Variants in METTL4 observed in about 807,000 individuals in gnomAD.
METTL4 encodes the protein methyltransferase 4, N6-adenosine.
METTL4 carries 40 observed loss-of-function variants against 54.0 expected under a neutral mutation model. The ratio of observed to expected loss-of-function variants is 0.74; its 90% confidence interval spans 0.58 to 0.96. The LOEUF is 0.96. Ranked by LOEUF, METTL4 falls within the 50% of genes least tolerant of loss-of-function variation. The probability of loss-of-function intolerance (pLI) is 0.00; values close to 1 mark genes in which losing one functional copy is unlikely to be tolerated. For synonymous variants in METTL4, 169 were observed against 183.8 expected, an observed-to-expected ratio of 0.92 and a Z score of 0.65; for missense variants, 525 against 549.0, an observed-to-expected ratio of 0.96 and a Z score of 0.44.
intron 8 of METTL4, chr18:2,540,119 G>T (rs1011901513): frequency 2.0e-6 from 2 of 983,190 alleles, no homozygotes; most frequent in South Asian, 4.7e-5. Context: ...ATTGTATTTT[G>T]TTGGGGAAAG....
At chr18:2,563,007 A>G (rs1258628867) in intron 3 of METTL4, among the ~76,000 whole-genome samples, 1 of 152,182 alleles carries the variant, frequency 6.6e-6, no homozygotes, top group Non-Finnish European at 1.5e-5. Context: ...ACCGAATTCC[A>G]GACTGAATTT....
At chr18:2,563,180 ATT>A (rs1412755124) in intron 3 of METTL4, among the ~76,000 whole-genome samples, 7 of 152,180 alleles carry the variant, frequency 4.6e-5, no homozygotes, top group East Asian at 1.9e-4. Context: ...CTCTTAATAT[ATT>A]GTTTTATCTA....
At chr18:2,543,290 G>A (rs965082431) in intron 8 of METTL4, among the ~76,000 whole-genome samples, 1 of 152,088 alleles carries the variant, frequency 6.6e-6, no homozygotes, top group Non-Finnish European at 1.5e-5. Context: ...TAGTTTTCCT[G>A]AGTGGTAACT....
At chr18:2,549,855 G>A (rs948967679) in intron 5 of METTL4, among the ~76,000 whole-genome samples, 5 of 146,178 alleles carry the variant, frequency 3.4e-5, no homozygotes, top group African/African-American at 1.0e-4. Flanking sequence ...TTAGCCGGGT[G>A]TGGTGGCAGA....
intron 4 of METTL4, 156 bp downstream of exon 4, chr18:2,554,513 A>G: frequency 1.5e-6 from 1 of 649,774 alleles, no homozygotes; most frequent in South Asian, 2.1e-5. Context: ...AAAAGTCAGC[A>G]CCTTAAAATT....
intron 8 of METTL4, chr18:2,540,313 C>A: frequency 2.0e-6 from 2 of 984,244 alleles, no homozygotes; most frequent in Non-Finnish European, 2.4e-6. Flanking sequence ...TAAGAAAAAT[C>A]ACTAGAAAAG....
chr18:2,559,735 T>C (rs1431235399), intron 3 of METTL4, among the ~76,000 whole-genome samples: 1 of 152,010 alleles, frequency 6.6e-6, no homozygotes, highest in African/African-American at 2.4e-5. Flanking sequence ...CACATTTCTG[T>C]TTTTTGTTTT....
At chr18:2,563,703 G>T in intron 3 of METTL4, 94 bp downstream of exon 3, 18 of 710,714 alleles carry the variant, frequency 2.5e-5, no homozygotes, top group East Asian at 7.8e-5. Context: ...ATGATTGCTT[G>T]ATTTTGAAAA....
rs766430089 is a variant in METTL4 at position 2,544,199 on chromosome 18, A to T, written c.1269T>A (p.Leu423=). The T allele has an allele frequency of 2.5e-5, 40 of 1,598,706 alleles. No individual in the cohort carries two copies. Among genetic ancestry groups the T allele is most frequent in the Non-Finnish European group, 3.2e-5 (37 of 1,174,192 alleles). The part of the protein sequence containing the change: ...PCTLHSHKPP[L]AEVLKDYIKP... ...TTCTATTTTATAAAAACATACCAGC[A>T]AGCGGTGGCTTATGTGAGTGAAGAG... Residue 423 remains leucine (L), a synonymous_variant, in exon 8 of 9, where the codon CTT becomes CTA. Coordinates refer to ENST00000574538, the MANE Select transcript of METTL4 (RefSeq NM_022840.5).
intron 8 of METTL4, chr18:2,540,281 G>A: frequency 1.0e-6 from 1 of 983,970 alleles, no homozygotes; most frequent in Non-Finnish European, 1.2e-6. Flanking sequence ...CCACCTAATA[G>A]GAATTTGGTA....
chr18:2,557,974 A>C (rs1471922742), intron 3 of METTL4, among the ~76,000 whole-genome samples: 1 of 152,178 alleles, frequency 6.6e-6, no homozygotes, highest in Admixed American at 6.5e-5. Flanking sequence ...ACACTATTCT[A>C]AACCAACCCA....
At chr18:2,544,980 T>C (rs2176450) in intron 6 of METTL4, among the ~76,000 whole-genome samples, 1 of 152,150 alleles carries the variant, frequency 6.6e-6, no homozygotes, top group African/African-American at 2.4e-5. Context: ...CAGTCTAACA[T>C]ACTTGAAATA....
At chr18:2,554,390 G>T in intron 4 of METTL4, 1 of 305,296 alleles carries the variant, frequency 3.3e-6, no homozygotes, top group Non-Finnish European at 5.9e-6. Flanking sequence ...AAAGTGATTT[G>T]GTTAAACACA....
intron 6 of METTL4, among the ~76,000 whole-genome samples, chr18:2,545,673 C>T (rs1416128542): frequency 6.6e-6 from 1 of 152,106 alleles, no homozygotes; most frequent in Admixed American, 6.6e-5. Context: ...TATCCGATAT[C>T]AATGTACCTA....
chr18:2,540,890 C>A, intron 8 of METTL4: 1 of 985,354 alleles, frequency 1.0e-6, no homozygotes, highest in Non-Finnish European at 1.2e-6. Flanking sequence ...CTGGAGTCAG[C>A]CAGTCAAAAA....
chr18:2,541,183 GAAGA>G (rs2071988521), intron 8 of METTL4, among the ~76,000 whole-genome samples: 2 of 152,098 alleles, frequency 1.3e-5, no homozygotes, highest in African/African-American at 4.8e-5. Flanking sequence ...AAATAAGGGA[GAAGA>G]AATAAAGGCA....
At position 2,559,831 on chromosome 18, in the gene METTL4, G is replaced by A. The variant is rs141303319; in HGVS notation, c.459+3966C>T. On this transcript the variant is annotated intron_variant, in intron 3 of 8. Coordinates refer to ENST00000574538, the MANE Select transcript of METTL4 (RefSeq NM_022840.5). ...GCTTACCGCAACCTCCACCTCCCAG[G>A]TTCCAACAATTCTCCTCCCTCAGCG... Among the ~76,000 whole-genome samples, 331 of 152,220 alleles carry A rather than the reference G, an allele frequency of 2.2e-3. 3 individuals are homozygous for A. The highest frequency in any genetic ancestry group is 7.7e-3 in the African/African-American group (318 of 41,524).
At chr18:2,542,110 T>A (rs2072000304) in intron 8 of METTL4, among the ~76,000 whole-genome samples, 2 of 152,198 alleles carry the variant, frequency 1.3e-5, no homozygotes, top group Admixed American at 6.5e-5. Context: ...ATGTTTTCAA[T>A]GCTAAAAATG....
intron 2 of METTL4, among the ~76,000 whole-genome samples, chr18:2,565,963 C>T (rs564443302): frequency 2.6e-5 from 4 of 151,508 alleles, no homozygotes; most frequent in South Asian, 2.1e-4. Context: ...AGGAGAATGG[C>T]GTGAACCCGG....
Sources: gnomAD v4.1 joint callset for allele counts (sites outside exome capture counted in the v4.1 genomes callset) on GRCh38, gnomAD v4.1.1 for gene constraint, MANE v1.5 for transcripts, NCBI Gene and HGNC (gene_info 2026-07-23, HGNC 2026-07-21) for gene names.